Variants in ITPRID1 observed in about 807,000 individuals in gnomAD.
The protein encoded by ITPRID1 is protein ITPRID1.
In ITPRID1, 96 loss-of-function variants were observed where a neutral mutation model predicts 95.4. The observed-to-expected ratio is 1.01, with a 90% CI of 0.85 to 1.19. The LOEUF (loss-of-function observed/expected upper bound fraction) is 1.19, where lower values mean the gene tolerates loss of function less well. Among genes scored for constraint, ITPRID1 ranks in the 50% most tolerant of loss-of-function variants. The pLI is 0.00. For missense variants in ITPRID1, 1,339 were observed against 1,252.9 expected, an observed-to-expected ratio of 1.07 and a Z score of -1.04; for synonymous variants, 510 against 453.6, an observed-to-expected ratio of 1.12 and a Z score of -1.58.
intron 10 of ITPRID1, among the ~76,000 whole-genome samples, chr7:31,635,088 T>C (rs1384662638): frequency 6.6e-6 from 1 of 152,100 alleles, no homozygotes; most frequent in Non-Finnish European, 1.5e-5. Context: ...ACATATTAGG[T>C]GTGAGGGTGT....
chr7:31,645,986 G>T lies in ITPRID1; in HGVS notation c.2583+2033G>T, dbSNP rs115752524. ...AGCTGGAGAAGGTGACATTTTGAGA[G>T]GCCGTATGGGGGAAAATATTAAATC... On this transcript the variant is annotated intron_variant, in intron 12 of 14. Coordinates refer to ENST00000615280, the MANE Select transcript of ITPRID1 (RefSeq NM_001257967.3). Among the ~76,000 whole-genome samples the T allele has an allele frequency of 9.5e-4, 144 of 152,250 alleles. 1 individual carries two copies. Among genetic ancestry groups the T allele is most frequent in the African/African-American group, 3.3e-3 (139 of 41,532 alleles).
intron 13 of ITPRID1, among the ~76,000 whole-genome samples, chr7:31,651,699 TAAATTTATTA>T (rs1394213556): frequency 1.3e-5 from 2 of 152,078 alleles, no homozygotes; most frequent in Non-Finnish European, 2.9e-5. Flanking sequence ...CACAATTTGG[TAAATTTATTA>T]AAAATTATTA....
rs753838970 is a variant in ITPRID1 at position 31,578,074 on chromosome 7, C to T, written c.810C>T (p.Asn270=). 10 of 1,613,664 alleles carry T rather than the reference C, an allele frequency of 6.2e-6. No homozygotes were observed. In the Admixed American group the frequency reaches 1.7e-4, roughly 27 times the overall value. ...ASKQNIRRDC[N]PEVSESFKVK... ...AACAGAACATCAGGCGGGATTGTAA[C>T]CCAGAGGTATCAGAGTCCTTCAAGG... Residue 270 remains asparagine (N), a synonymous_variant, in exon 9 of 15, where the codon AAC becomes AAT. Transcript: ENST00000615280.
At chr7:31,635,070 G>C (rs1048289425) in intron 10 of ITPRID1, among the ~76,000 whole-genome samples, 1 of 152,078 alleles carries the variant, frequency 6.6e-6, no homozygotes, top group Non-Finnish European at 1.5e-5. Flanking sequence ...GGTGTGATAT[G>C]TTATATTACA....
At chr7:31,553,245 G>A (rs959107750) in intron 3 of ITPRID1, 58 bp downstream of exon 3, 1 of 1,466,566 alleles carries the variant, frequency 6.8e-7, no homozygotes, top group Non-Finnish European at 9.1e-7. Context: ...TGAGGGATGT[G>A]GGAGCTTTTG....
chr7:31,549,792 G>C (rs1211613714), intron 2 of ITPRID1, among the ~76,000 whole-genome samples: 3 of 152,098 alleles, frequency 2.0e-5, no homozygotes, highest in African/African-American at 7.2e-5. Flanking sequence ...AAAGGTGCTG[G>C]GATCTATGGG....
intron 5 of ITPRID1, among the ~76,000 whole-genome samples, chr7:31,563,033 G>A (rs925189098): frequency 1.3e-5 from 2 of 152,096 alleles, no homozygotes; most frequent in Non-Finnish European, 2.9e-5. Context: ...CCACTGAGAC[G>A]GAATCATCTG....
intron 3 of ITPRID1, among the ~76,000 whole-genome samples, chr7:31,553,879 C>T (rs1784365401): frequency 6.6e-6 from 1 of 152,204 alleles, no homozygotes. Flanking sequence ...TTTACATCCT[C>T]TCCTTTTTAC....
intron 10 of ITPRID1, among the ~76,000 whole-genome samples, chr7:31,629,673 T>C (rs1788817267): frequency 1.3e-5 from 2 of 152,180 alleles, no homozygotes; most frequent in South Asian, 4.1e-4. Context: ...CTCACTCACC[T>C]CTCAAAAAGC....
chr7:31,531,372 TAA>T (rs1783591003), intron 1 of ITPRID1, among the ~76,000 whole-genome samples: 1 of 152,216 alleles, frequency 6.6e-6, no homozygotes, highest in Non-Finnish European at 1.5e-5. Flanking sequence ...ATTATAAGAA[TAA>T]TTCATGAACA....
At chr7:31,658,299 C>CT (rs35589779), downstream of ITPRID1, 403,562 of 1,347,120 alleles carry the variant, frequency 0.3, 30,684 homozygotes, top group East Asian at 0.48. Flanking sequence ...AGCTGGATCC[C>CT]TTTTTTTTTT....
intron 1 of ITPRID1, among the ~76,000 whole-genome samples, chr7:31,540,619 C>T (rs1018099018): frequency 2.0e-5 from 3 of 152,126 alleles, no homozygotes; most frequent in African/African-American, 7.2e-5. Flanking sequence ...TGCAGTGCAG[C>T]AAGAATAATT....
chr7:31,632,815 GA>G (rs1789133298), intron 10 of ITPRID1, among the ~76,000 whole-genome samples: 3 of 152,150 alleles, frequency 2.0e-5, no homozygotes, highest in African/African-American at 7.2e-5. Flanking sequence ...CAAACAGCCT[GA>G]AAAGCCTGCC....
intron 8 of ITPRID1, among the ~76,000 whole-genome samples, chr7:31,575,885 A>T (rs375783169): frequency 1.8e-3 from 271 of 150,632 alleles, no homozygotes; most frequent in African/African-American, 5.7e-3. Flanking sequence ...CAGGAATGAT[A>T]TTTTTTTTTT....
intron 3 of ITPRID1, among the ~76,000 whole-genome samples, chr7:31,554,116 C>G (rs1784372321): frequency 6.6e-6 from 1 of 152,114 alleles, no homozygotes; most frequent in Non-Finnish European, 1.5e-5. Context: ...TGATTTATAT[C>G]CAACAAGAGA....
chr7:31,616,027 G>A (rs1180672609), intron 10 of ITPRID1, among the ~76,000 whole-genome samples: 1 of 152,074 alleles, frequency 6.6e-6, no homozygotes, highest in Non-Finnish European at 1.5e-5. Flanking sequence ...ACAGGTGTGA[G>A]CCACCGCACC....
At chr7:31,597,265 T>C (rs906491742) in intron 10 of ITPRID1, among the ~76,000 whole-genome samples, 11 of 152,012 alleles carry the variant, frequency 7.2e-5, no homozygotes, top group East Asian at 1.9e-4. Flanking sequence ...TTATTCAACA[T>C]TGAACTAAAG....
intron 10 of ITPRID1, among the ~76,000 whole-genome samples, chr7:31,640,555 G>A (rs1789927922): frequency 6.6e-6 from 1 of 152,184 alleles, no homozygotes; most frequent in South Asian, 2.1e-4. Context: ...AAAGCGCTAA[G>A]CTGGGTAACT....
chr7:31,629,962 TATC>T lies in ITPRID1; in HGVS notation c.1229-12211_1229-12209del, dbSNP rs555998009. Among the ~76,000 whole-genome samples the T allele has an allele frequency of 2.8e-3, 430 of 152,088 alleles. 1 individual carries two copies. Among genetic ancestry groups the T allele is most frequent in the African/African-American group, 0.01 (416 of 41,502 alleles). ...ACAAACATGATATAAATATAATAAA[TATC>T]ATGAATATTTTTAAAAGAGAAGAAA... On this transcript the variant is annotated intron_variant, in intron 10 of 14. Coordinates refer to ENST00000615280, the MANE Select transcript of ITPRID1 (RefSeq NM_001257967.3).
Sources: allele counts gnomAD v4.1 joint callset (sites outside exome capture counted in the v4.1 genomes callset), GRCh38; gene constraint gnomAD v4.1.1; transcripts MANE v1.5; gene names NCBI Gene and HGNC (gene_info 2026-07-23, HGNC 2026-07-21).